The following GALNT18 variants were observed in gnomAD, a reference collection of about 807,000 sequenced individuals.
GALNT18 encodes the protein polypeptide N-acetylgalactosaminyltransferase 18, also known as GalNAc-transferase 18.
In GALNT18, 44 loss-of-function variants were observed where a neutral mutation model predicts 69.5. The observed-to-expected ratio is 0.63, with a 90% confidence interval of 0.50 to 0.81. The LOEUF is 0.81. Among genes scored for constraint, GALNT18 ranks in the 40% least tolerant of loss-of-function variants. The pLI is 0.00. For missense variants in GALNT18, 715 were observed against 810.0 expected (o/e 0.88, Z 1.42); for synonymous variants, 364 against 318.2 (o/e 1.14, Z -1.53).
intron 10 of GALNT18, among the ~76,000 whole-genome samples, chr11:11,274,017 G>A (rs1848882492): frequency 6.6e-6 from 1 of 152,162 alleles, no homozygotes; most frequent in South Asian, 2.1e-4. Flanking sequence ...TGGACAGTGG[G>A]TGTAGCCCAC....
rs1860101633 is a variant in GALNT18, at chr11:11,618,176, A to G, written c.235+3183T>C. ...CTTCTAATTGCAAGTCCTATGGAAC[A>G]TCCTGCAGAACATTTTGTGACATTT... On this transcript the variant is annotated intron_variant, in intron 1 of 10. Transcript: ENST00000227756. This position sits in a 1 kb window ranked among gnomAD's most constrained non-coding sequence, Gnocchi z 6.1. Among the ~76,000 whole-genome samples the G allele has an allele frequency of 1.3e-5, 2 of 152,242 alleles. No individual in the cohort carries two copies. Among genetic ancestry groups the G allele is most frequent in the Admixed American group, 6.5e-5 (1 of 15,288 alleles).
intron 3 of GALNT18, among the ~76,000 whole-genome samples, chr11:11,386,885 C>G (rs1479829945): frequency 6.6e-6 from 1 of 152,168 alleles, no homozygotes. Flanking sequence ...GCATAAGAAT[C>G]AGCTTGTTGA....
chr11:11,456,012 C>T (rs1855917037), intron 1 of GALNT18, among the ~76,000 whole-genome samples: 3 of 152,118 alleles, frequency 2.0e-5, no homozygotes, highest in African/African-American at 7.2e-5. Context: ...TCACTTCAGC[C>T]CAGGAGGTCG....
intron 10 of GALNT18, among the ~76,000 whole-genome samples, chr11:11,275,594 T>G (rs1032359730): frequency 1.3e-5 from 2 of 152,246 alleles, no homozygotes; most frequent in African/African-American, 4.8e-5. Flanking sequence ...GTTTTAGTCA[T>G]GAAGTCTTTG....
intron 10 of GALNT18, among the ~76,000 whole-genome samples, chr11:11,288,501 C>T (rs1057220825): frequency 1.7e-4 from 26 of 152,280 alleles, no homozygotes; most frequent in African/African-American, 5.8e-4. Flanking sequence ...TCTCATCATT[C>T]GGTTCCATTG....
At chr11:11,278,564 T>C (rs1208719669) in intron 10 of GALNT18, among the ~76,000 whole-genome samples, 1 of 151,936 alleles carries the variant, frequency 6.6e-6, no homozygotes, top group Non-Finnish European at 1.5e-5. Context: ...CGGGAGGTCA[T>C]TATGTTAAGT....
chr11:11,347,280 G>T lies in GALNT18; in HGVS notation c.1093-6276C>A, dbSNP rs1850320959. ...AGACACAACTGAGAGTTGTAAATTG[G>T]GTTAAAATAGGGACACATAGTAGAC... On this transcript the variant is annotated intron_variant, in intron 6 of 10. Coordinates refer to ENST00000227756, the MANE Select transcript of GALNT18 (RefSeq NM_198516.3). The surrounding 1 kb of genome is among the most constrained non-coding windows in gnomAD (Gnocchi z 4.0). 6.6e-6 allele frequency among the ~76,000 whole-genome samples: 1 copy of T among 152,166 alleles called. No homozygotes were observed. The highest frequency in any genetic ancestry group is 2.4e-5 in the African/African-American group (1 of 41,438).
chr11:11,433,414 G>T (rs79834117), intron 2 of GALNT18, among the ~76,000 whole-genome samples: 2 of 152,248 alleles, frequency 1.3e-5, no homozygotes, highest in Admixed American at 6.5e-5. Flanking sequence ...CAGGGAGCAT[G>T]AGGCTCAAAG....
chr11:11,346,633 A>G (rs1018356029), intron 6 of GALNT18, among the ~76,000 whole-genome samples: 12 of 152,186 alleles, frequency 7.9e-5, no homozygotes, highest in Admixed American at 5.9e-4. Context: ...CTGGAGAGAA[A>G]GGCTCCAACC....
chr11:11,459,013 C>T lies in GALNT18; in HGVS notation c.236-10077G>A, dbSNP rs1855983545. 6.6e-6 allele frequency among the ~76,000 whole-genome samples: 1 copy of T among 152,164 alleles called. No individual in the cohort carries two copies. Among genetic ancestry groups the T allele is most frequent in the Admixed American group, 6.6e-5 (1 of 15,260 alleles). On this transcript the variant is annotated intron_variant, in intron 1 of 10. Coordinates refer to ENST00000227756, the MANE Select transcript of GALNT18 (RefSeq NM_198516.3). The surrounding 1 kb of genome is among the most constrained non-coding windows in gnomAD (Gnocchi z 5.0). Reference sequence around the variant, plus strand: ...ACTTGAGCGAGAAGGGGGACTTCGGCACATCATAGCGGTACTCTTCTTATA... The same window carrying T: ...ACTTGAGCGAGAAGGGGGACTTCGGTACATCATAGCGGTACTCTTCTTATA...
chr11:11,297,879 T>C (rs537885703), intron 9 of GALNT18, among the ~76,000 whole-genome samples: 1 of 152,376 alleles, frequency 6.6e-6, no homozygotes, highest in South Asian at 2.1e-4. Context: ...TCATTTTGAT[T>C]CTTGCAGGAG....
chr11:11,470,048 C>T lies in GALNT18; in HGVS notation c.236-21112G>A, dbSNP rs1205821002. Reference sequence around the variant, plus strand: ...AGGAACCTTTAGAGAAAGACTGTCCCTCCAATCTGCTTCTGCCTCTCAGGT... The same window carrying T: ...AGGAACCTTTAGAGAAAGACTGTCCTTCCAATCTGCTTCTGCCTCTCAGGT... On this transcript the variant is annotated intron_variant, in intron 1 of 10. Transcript: ENST00000227756. This position sits in a 1 kb window ranked among gnomAD's most constrained non-coding sequence, Gnocchi z 4.8. 1.3e-5 allele frequency among the ~76,000 whole-genome samples: 2 copies of T among 152,206 alleles called. No homozygotes were observed. The highest frequency in any genetic ancestry group is 2.4e-5 in the African/African-American group (1 of 41,454).
In GALNT18 at chr11:11,432,741, C is replaced by T. The variant is rs759039128; in HGVS notation, c.475G>A (p.Val159Met). ...FPDSLPEVSI[V>M]FIFVNEALSV... Reference sequence around the variant, plus strand: ...AGCGCTTCATTGACGAAGATGAACACGATGCTCACCTCTGGCAGGCTGTCA... The same window carrying T: ...AGCGCTTCATTGACGAAGATGAACATGATGCTCACCTCTGGCAGGCTGTCA... The change falls in exon 3 of 11, where the codon GTG (valine) becomes ATG (methionine). Residue 159 changes from valine (V) to methionine (M), a missense_variant. Physicochemically the swap from Val to Met is conservative, Grantham distance 21 (BLOSUM62 1). Coordinates refer to ENST00000227756, the MANE Select transcript of GALNT18 (RefSeq NM_198516.3). The surrounding 1 kb of genome is among the most constrained non-coding windows in gnomAD (Gnocchi z 5.8). 5.0e-6 allele frequency: 8 copies of T among 1,614,010 alleles called. No individual in the cohort carries two copies. Among genetic ancestry groups the T allele is most frequent in the South Asian group, 2.2e-5 (2 of 91,064 alleles).
At chr11:11,297,489 C>T (rs1849421858) in intron 9 of GALNT18, among the ~76,000 whole-genome samples, 1 of 152,158 alleles carries the variant, frequency 6.6e-6, no homozygotes, top group Admixed American at 6.5e-5. Context: ...TGTGCGACCA[C>T]TCACCTCCCT....
Position 11,340,823 on chromosome 11 carries a change from T to G in GALNT18, c.1274A>C (p.Gln425Pro), listed in dbSNP as rs772636305. 6 of 1,607,088 alleles carry G rather than the reference T, an allele frequency of 3.7e-6. No homozygotes were observed. The South Asian group carries it at 4.5e-5, about 12-fold the overall frequency. The change falls in exon 7 of 11, where the codon CAG becomes CCG. Residue 425 changes from glutamine to proline, a missense_variant. Gln to Pro is a moderately conservative substitution (Grantham distance 76). Transcript: ENST00000227756. The surrounding 1 kb of genome is among the most constrained non-coding windows in gnomAD (Gnocchi z 4.2). Reference sequence around the variant, plus strand: ...ATCCCTACCGGAGATCCCTACCTCCTGCGGTATGTTCCATGCCATGTAGAC... The same window carrying G: ...ATCCCTACCGGAGATCCCTACCTCCGGCGGTATGTTCCATGCCATGTAGAC... Reference protein sequence around the residue: ...SHVYMAWNIPQEDSGIDIGDI... With the variant: ...SHVYMAWNIPPEDSGIDIGDI...
intron 2 of GALNT18, among the ~76,000 whole-genome samples, chr11:11,438,003 C>T (rs1385062354): frequency 2.0e-5 from 3 of 152,158 alleles, no homozygotes; most frequent in Non-Finnish European, 2.9e-5. Context: ...CCTCCTCTCT[C>T]GGCTGTAGTC....
chr11:11,479,609 T>C (rs112432201), intron 1 of GALNT18, among the ~76,000 whole-genome samples: 11 of 152,296 alleles, frequency 7.2e-5, no homozygotes, highest in African/African-American at 2.4e-4. Flanking sequence ...ATGTAAAGGA[T>C]TACTTTGATA....
At chr11:11,302,987 C>T (rs1224255022) in intron 9 of GALNT18, among the ~76,000 whole-genome samples, 1 of 152,224 alleles carries the variant, frequency 6.6e-6, no homozygotes, top group Admixed American at 6.5e-5. Flanking sequence ...TCGAGTGACT[C>T]CTGGAAAACC....
intron 9 of GALNT18, among the ~76,000 whole-genome samples, chr11:11,294,473 G>A (rs1849360174): frequency 6.6e-6 from 1 of 152,054 alleles, no homozygotes; most frequent in South Asian, 2.1e-4. Flanking sequence ...CTGAGACCCA[G>A]GCTCTTAGAT....
Sources: gnomAD v4.1 joint callset for allele counts (sites outside exome capture counted in the v4.1 genomes callset) on GRCh38, gnomAD v4.1.1 for gene constraint, Gnocchi (gnomAD v3.1) non-coding constraint, MANE v1.5 for transcripts, NCBI Gene and HGNC (gene_info 2026-07-23, HGNC 2026-07-21) for gene names.